The following KPNA7 variants were observed in gnomAD, a reference collection of about 807,000 sequenced individuals.
The protein encoded by KPNA7 is importin subunit alpha-8.
KPNA7 carries 54 observed loss-of-function variants against 53.7 expected under a neutral mutation model. The observed-to-expected ratio is 1.01, with a 90% CI of 0.81 to 1.26. The LOEUF (loss-of-function observed/expected upper bound fraction) is 1.26. Among genes scored for constraint, KPNA7 ranks in the 50% most tolerant of loss-of-function variants. The pLI is 0.00. For missense variants in KPNA7, 640 were observed against 644.5 expected (o/e 0.99, Z 0.07); for synonymous variants, 276 against 259.3 (o/e 1.06, Z -0.62).
the KPNA7 span, among the ~76,000 whole-genome samples, chr7:99,159,986 T>A: frequency 6.6e-6 from 1 of 151,316 alleles, no homozygotes; most frequent in East Asian, 1.9e-4. Context: ...TTTTCTGAAG[T>A]GTAGCTTAGT....
the KPNA7 span, among the ~76,000 whole-genome samples, chr7:99,149,633 G>A: frequency 6.6e-6 from 1 of 152,214 alleles, no homozygotes; most frequent in African/African-American, 2.4e-5. Flanking sequence ...CCTGGTGGGA[G>A]TGGACAGTTA....
the KPNA7 span, among the ~76,000 whole-genome samples, chr7:99,159,219 A>T: frequency 2.0e-5 from 3 of 151,876 alleles, no homozygotes; most frequent in Non-Finnish European, 4.4e-5. Flanking sequence ...ATGGTAGTGC[A>T]TGCCTGTAGT....
chr7:99,195,894 G>C (rs779262681), intron 4 of KPNA7, among the ~76,000 whole-genome samples, 190 bp downstream of exon 4: 3 of 152,106 alleles, frequency 2.0e-5, no homozygotes, highest in Admixed American at 1.3e-4. Flanking sequence ...ACAACACATC[G>C]AAGCTTTTAA....
the KPNA7 span, among the ~76,000 whole-genome samples, chr7:99,167,532 A>C: frequency 6.6e-6 from 1 of 150,396 alleles, no homozygotes; most frequent in Non-Finnish European, 1.5e-5. Flanking sequence ...GGCTCACTGC[A>C]ACCTCCACCT....
intron 1 of KPNA7, among the ~76,000 whole-genome samples, chr7:99,216,872 C>T (rs1395962616): frequency 1.3e-5 from 2 of 152,160 alleles, no homozygotes; most frequent in Non-Finnish European, 2.9e-5. Flanking sequence ...ACCTCTTACC[C>T]TTTCAATCCT....
At chr7:99,164,412 C>A in the KPNA7 span, among the ~76,000 whole-genome samples, 4 of 151,946 alleles carry the variant, frequency 2.6e-5, no homozygotes, top group Non-Finnish European at 5.9e-5. Flanking sequence ...ACCTCATGTT[C>A]TCACTCATAG....
chr7:99,217,626 T>C (rs1446321857), intron 1 of KPNA7, among the ~76,000 whole-genome samples: 1 of 32,524 alleles, frequency 3.1e-5, no homozygotes, highest in Non-Finnish European at 9.4e-5. Flanking sequence ...TGCCTTTTTT[T>C]TTTTTTTTTT....
downstream of KPNA7, among the ~76,000 whole-genome samples, chr7:99,170,939 C>G (rs1428047235): frequency 6.6e-6 from 1 of 152,092 alleles, no homozygotes; most frequent in African/African-American, 2.4e-5. Flanking sequence ...AACCAGGAGT[C>G]AAAACAAAGT....
upstream of KPNA7, among the ~76,000 whole-genome samples, chr7:99,211,960 G>A (rs765237307): frequency 6.6e-6 from 1 of 152,170 alleles, no homozygotes; most frequent in Non-Finnish European, 1.5e-5. Context: ...ATCATTGTGA[G>A]TCATGTTGAC....
chr7:99,205,956 C>T (rs527741697), intron 2 of KPNA7, among the ~76,000 whole-genome samples: 21 of 152,288 alleles, frequency 1.4e-4, no homozygotes, highest in South Asian at 1.2e-3. Context: ...ACACACCCCC[C>T]GTCCCCAGCC....
At chr7:99,185,257 T>C in intron 7 of KPNA7, 95 bp from the exon 8 acceptor site, 2 of 837,260 alleles carry the variant, frequency 2.4e-6, no homozygotes, top group Non-Finnish European at 3.9e-6. Flanking sequence ...AACATTGTCA[T>C]GCTATAGCCG....
upstream of KPNA7, among the ~76,000 whole-genome samples, chr7:99,210,762 T>C (rs568575607): frequency 6.6e-6 from 1 of 151,980 alleles, no homozygotes; most frequent in East Asian, 1.9e-4. Flanking sequence ...CTAATTTGTA[T>C]TTTTTGTAGA....
chr7:99,211,807 G>C (rs1188282498), upstream of KPNA7, among the ~76,000 whole-genome samples: 1 of 152,154 alleles, frequency 6.6e-6, no homozygotes, highest in African/African-American at 2.4e-5. Flanking sequence ...GCCTGGGAAA[G>C]AATAGCCTAT....
intron 10 of KPNA7, among the ~76,000 whole-genome samples, chr7:99,174,309 A>T (rs1798827996): frequency 6.6e-6 from 1 of 152,166 alleles, no homozygotes; most frequent in Admixed American, 6.6e-5. Flanking sequence ...GGGATCGTCT[A>T]GTTGCAGGAA....
At chr7:99,154,658 G>T in the KPNA7 span, among the ~76,000 whole-genome samples, 1 of 151,866 alleles carries the variant, frequency 6.6e-6, no homozygotes, top group African/African-American at 2.4e-5. Flanking sequence ...GAGTAGCTGG[G>T]ATTACAGATG....
chr7:99,196,262 G>A (rs1006891013), intron 3 of KPNA7, 96 bp from the exon 4 acceptor site: 1 of 820,584 alleles, frequency 1.2e-6, no homozygotes, highest in Admixed American at 2.1e-5. Context: ...AAACAGCCTG[G>A]CTTGAACAGG....
chr7:99,178,815 C>A (rs1214227164), intron 9 of KPNA7, among the ~76,000 whole-genome samples: 1 of 137,124 alleles, frequency 7.3e-6, no homozygotes, highest in African/African-American at 2.7e-5. Context: ...AAGAGTCTCG[C>A]TCTATCGCCC....
chr7:99,195,634 C>T (rs954185574), intron 4 of KPNA7, among the ~76,000 whole-genome samples: 2 of 152,140 alleles, frequency 1.3e-5, no homozygotes, highest in Admixed American at 6.6e-5. Context: ...ACCCAGTAGG[C>T]GGAGGTTGCA....
chr7:99,164,721 G>A, the KPNA7 span, among the ~76,000 whole-genome samples: 1 of 152,154 alleles, frequency 6.6e-6, no homozygotes, highest in Non-Finnish European at 1.5e-5. Flanking sequence ...GTAGCCACTG[G>A]AAACATCCAC....
Sources: gnomAD v4.1 joint callset for allele counts (sites outside exome capture counted in the v4.1 genomes callset) on GRCh38, gnomAD v4.1.1 for gene constraint, MANE v1.5 for transcripts, NCBI Gene and HGNC (gene_info 2026-07-23, HGNC 2026-07-21) for gene names.